WAPL: variants seen among roughly 807,000 people sequenced by gnomAD.
WAPL encodes the protein WAPL cohesin release factor, also known as wings apart-like protein homolog.
WAPL carries 5 observed loss-of-function variants against 121.0 expected under a neutral mutation model. The ratio of observed to expected loss-of-function variants is 0.04; its 90% CI spans 0.02 to 0.09. The LOEUF (loss-of-function observed/expected upper bound fraction) is 0.09, where lower values mean the gene tolerates loss of function less well. WAPL is among the 10% of genes least tolerant of loss of function. The pLI is 1.00. For synonymous variants in WAPL, 480 were observed against 481.5 expected, an observed-to-expected ratio of 1.00 and a Z score of 0.04; for missense variants, 999 against 1,410.8, an observed-to-expected ratio of 0.71 and a Z score of 4.68.
chr10:86,506,408 TTC>T (rs1842349101), intron 2 of WAPL, among the ~76,000 whole-genome samples: 1 of 152,232 alleles, frequency 6.6e-6, no homozygotes, highest in Non-Finnish European at 1.5e-5. Context: ...TTGTGTGGTT[TTC>T]TGTTTTATTT....
chr10:86,456,821 T>A (rs1841157709), intron 12 of WAPL, among the ~76,000 whole-genome samples: 1 of 152,120 alleles, frequency 6.6e-6, no homozygotes, highest in South Asian at 2.1e-4. Context: ...CAAAAGGAGG[T>A]TCAGCATATG....
chr10:86,513,555 C>T (rs1269039111), intron 2 of WAPL, among the ~76,000 whole-genome samples: 1 of 152,038 alleles, frequency 6.6e-6, no homozygotes, highest in Non-Finnish European at 1.5e-5. Flanking sequence ...AGGCTGGTCT[C>T]GAACTCCTGA....
Position 86,487,773 on chromosome 10 carries a change from T to TA in WAPL, c.1644+9427dup, listed in dbSNP as rs1053627661. Among the ~76,000 whole-genome samples the TA allele has an allele frequency of 8.5e-4, 129 of 152,152 alleles. 1 individual carries two copies. The highest frequency in any genetic ancestry group is 3.0e-3 in the African/African-American group (125 of 41,498). The stretch of plus-strand genomic sequence containing the variant: ...AGCCGGGCATGGTGGTGGGCGCCTG[T>TA]AGTCCCAGCTACTTGGGAGGCTGAG... On this transcript the variant is annotated intron_variant, in intron 4 of 18. Transcript: ENST00000298767.
At chr10:86,438,040 T>C in intron 17 of WAPL, 25 bp from the exon 18 acceptor site, 1 of 1,565,444 alleles carries the variant, frequency 6.4e-7, no homozygotes, top group South Asian at 1.1e-5. Flanking sequence ...CAAGAAATAT[T>C]GGTCAGCTGG....
At chr10:86,488,912 A>G (rs1169330600) in intron 4 of WAPL, among the ~76,000 whole-genome samples, 2 of 152,254 alleles carry the variant, frequency 1.3e-5, no homozygotes, top group African/African-American at 2.4e-5. Flanking sequence ...TAGGGGGTGA[A>G]GTCTAATGAG....
rs1842587788 is a variant in WAPL, at chr10:86,517,729, T to C, written c.341A>G (p.Glu114Gly). The stretch of plus-strand genomic sequence containing the variant: ...CACATGACTAATTTTGCTATTAGCT[T>C]CAAGTACTGAAGTGACCTCTTCCAA... The part of the protein sequence containing the change: ...AQLEEVTSVL[E>G]ANSKISHVVV... The change falls in exon 2 of 19, where the codon GAA becomes GGA. Residue 114 changes from glutamate (E) to glycine (G), a missense_variant. Transcript: ENST00000298767. 6.2e-7 allele frequency: 1 copy of C among 1,614,182 alleles called. No homozygotes were observed. The highest frequency in any genetic ancestry group is 1.3e-5 in the African/African-American group (1 of 75,070).
At chr10:86,489,816 A>G (rs140710322) in intron 4 of WAPL, among the ~76,000 whole-genome samples, 133 of 151,838 alleles carry the variant, frequency 8.8e-4, no homozygotes, top group Middle Eastern at 3.4e-3. Context: ...AAATCTAATC[A>G]GATTAGAGAG....
At chr10:86,437,720 G>A (rs1259476957) in intron 18 of WAPL, 112 bp from the exon 19 acceptor site, 1 of 1,176,068 alleles carries the variant, frequency 8.5e-7, no homozygotes, top group Non-Finnish European at 1.2e-6. Flanking sequence ...ACAAATCAAA[G>A]TACACCGAGA....
At chr10:86,442,992 G>A (rs904378698) in intron 17 of WAPL, among the ~76,000 whole-genome samples, 1 of 144,780 alleles carries the variant, frequency 6.9e-6, no homozygotes, top group South Asian at 2.3e-4. Flanking sequence ...GCAGTGAGCC[G>A]AGATTGCGCC....
At chr10:86,504,659 AAAAG>A (rs1293936396) in intron 2 of WAPL, among the ~76,000 whole-genome samples, 2 of 151,762 alleles carry the variant, frequency 1.3e-5, no homozygotes, top group African/African-American at 4.8e-5. Flanking sequence ...CTCAAAAAAA[AAAAG>A]AAAAAGGAAT....
At position 86,452,065 on chromosome 10, in the gene WAPL, C is replaced by T. The variant is rs538128037; in HGVS notation, c.3016G>A (p.Glu1006Lys). 1.2e-6 allele frequency: 2 copies of T among 1,614,136 alleles called. No homozygotes were observed. Among genetic ancestry groups the T allele is most frequent in the African/African-American group, 2.7e-5 (2 of 75,024 alleles). ...ARNRHCLVNM[E>K]TSCSFDSSIC... The stretch of plus-strand genomic sequence containing the variant: ...GAAGAATCAAAAGAGCACGATGTTT[C>T]CATGTTGACAAGACAGTGCCGATTC... Residue 1006 changes from glutamate to lysine, a missense_variant, in exon 15 of 19, where the codon GAA becomes AAA. Physicochemically the swap from Glu to Lys is moderately conservative, Grantham distance 56. This residue lies in a region of WAPL where 126 missense variants were observed against 144.0 expected (regional missense o/e 0.87). Transcript: ENST00000298767.
chr10:86,445,177 AT>A lies in WAPL; in HGVS notation c.3322+1064del, dbSNP rs1849577365. Among the ~76,000 whole-genome samples, 2 of 152,210 alleles carry A rather than the reference AT, an allele frequency of 1.3e-5. 1 individual carries two copies. The highest frequency in any genetic ancestry group is 1.3e-4 in the Admixed American group (2 of 15,280). On this transcript the variant is annotated intron_variant, in intron 16 of 18. Transcript: ENST00000298767. ...AATCTCTGACAGGAAAGGGTGCAGT[AT>A]TTGCATATAAGTCACACACATCCTC...
At chr10:86,502,566 G>C (rs923748121) in intron 2 of WAPL, among the ~76,000 whole-genome samples, 1 of 152,144 alleles carries the variant, frequency 6.6e-6, no homozygotes, top group African/African-American at 2.4e-5. Context: ...CTGTTTAATG[G>C]AGATGGAGAT....
chr10:86,451,339 G>A (rs1589496301), intron 15 of WAPL, among the ~76,000 whole-genome samples: 1 of 151,888 alleles, frequency 6.6e-6, no homozygotes, highest in East Asian at 1.9e-4. Flanking sequence ...AATAAAGTAA[G>A]AATGCATTCT....
At chr10:86,514,786 C>CTTTA (rs1229099997) in intron 2 of WAPL, among the ~76,000 whole-genome samples, 1 of 152,180 alleles carries the variant, frequency 6.6e-6, no homozygotes, top group Admixed American at 6.5e-5. Flanking sequence ...CTTACCTAAA[C>CTTTA]GTTCAACTTT....
At chr10:86,440,639 T>C (rs1444090031) in intron 17 of WAPL, among the ~76,000 whole-genome samples, 3 of 152,072 alleles carry the variant, frequency 2.0e-5, no homozygotes, top group African/African-American at 7.2e-5. Context: ...CCTCCTTTCC[T>C]GTGTGTGATG....
chr10:86,481,684 G>A (rs1841792687), intron 4 of WAPL, among the ~76,000 whole-genome samples: 1 of 151,918 alleles, frequency 6.6e-6, no homozygotes, highest in Admixed American at 6.6e-5. Context: ...AAAAATTTTA[G>A]TCTGTTTATT....
intron 3 of WAPL, among the ~76,000 whole-genome samples, chr10:86,498,056 G>A (rs950877249): frequency 4.6e-5 from 7 of 152,092 alleles, no homozygotes; most frequent in African/African-American, 1.7e-4. Context: ...CAACCAAATG[G>A]CCTCTAATTT....
At chr10:86,470,956 C>T in intron 8 of WAPL, 36 bp downstream of exon 8, 1 of 1,570,390 alleles carries the variant, frequency 6.4e-7, no homozygotes, top group Non-Finnish European at 8.7e-7. Context: ...TAGTTTTCAA[C>T]ATAAGGCTTC....
Sources: allele counts gnomAD v4.1 joint callset (sites outside exome capture counted in the v4.1 genomes callset), GRCh38; gene constraint gnomAD v4.1.1; regional missense constraint gnomAD v4.1.1; transcripts MANE v1.5; gene names NCBI Gene and HGNC (gene_info 2026-07-23, HGNC 2026-07-21).